LRMDA: variants seen among roughly 807,000 people sequenced by gnomAD.
LRMDA encodes the protein leucine rich melanocyte differentiation associated.
A neutral mutation model predicts 29.8 loss-of-function variants in LRMDA; 18 were observed. The observed-to-expected ratio is 0.60, with a 90% CI of 0.42 to 0.90. The LOEUF (loss-of-function observed/expected upper bound fraction) is 0.90, where lower values mean the gene tolerates loss of function less well. Among genes scored for constraint, LRMDA ranks in the 40% least tolerant of loss-of-function variants. LRMDA has a pLI of 0.00. For synonymous variants in LRMDA, 125 were observed against 109.4 expected (o/e 1.14, Z -0.89); for missense variants, 273 against 273.9 (o/e 1.00, Z 0.02).
chr10:76,386,478 T>C (rs143463821), intron 6 of LRMDA, among the ~76,000 whole-genome samples: 62 of 152,328 alleles, frequency 4.1e-4, no homozygotes, highest in African/African-American at 1.3e-3. Flanking sequence ...GCCTTTGCAT[T>C]GGCTGGTTTG....
At chr10:76,323,393 G>A (rs774179789) in intron 5 of LRMDA, among the ~76,000 whole-genome samples, 23 of 152,080 alleles carry the variant, frequency 1.5e-4, no homozygotes, top group Non-Finnish European at 2.5e-4. Flanking sequence ...TGTATTTCCC[G>A]CTCCGGAAAG....
intron 6 of LRMDA, among the ~76,000 whole-genome samples, chr10:76,549,265 C>T (rs2132393907): frequency 6.6e-6 from 1 of 152,238 alleles, no homozygotes; most frequent in Non-Finnish European, 1.5e-5. Context: ...CACAGCCTTG[C>T]CTGCTGATCA....
At chr10:75,783,644 G>T (rs558017881) in intron 2 of LRMDA, among the ~76,000 whole-genome samples, 1 of 152,272 alleles carries the variant, frequency 6.6e-6, no homozygotes, top group South Asian at 2.1e-4. Context: ...TGACCATGAT[G>T]TAAGTATTAA....
chr10:76,158,979 G>A (rs1850593723), intron 5 of LRMDA, among the ~76,000 whole-genome samples: 1 of 152,080 alleles, frequency 6.6e-6, no homozygotes, highest in Admixed American at 6.6e-5. Context: ...CTAGACAGAG[G>A]TTAAATGGAT....
At chr10:75,979,140 T>C (rs1347937703) in intron 2 of LRMDA, among the ~76,000 whole-genome samples, 6 of 152,256 alleles carry the variant, frequency 3.9e-5, no homozygotes, top group African/African-American at 7.2e-5. Flanking sequence ...GAGTAGCCCG[T>C]GAACATTAGT....
intron 2 of LRMDA, among the ~76,000 whole-genome samples, chr10:75,902,383 A>G (rs1428393615): frequency 2.0e-5 from 3 of 152,068 alleles, no homozygotes; most frequent in African/African-American, 7.2e-5. Flanking sequence ...TTTATCCCAT[A>G]GGGGTGGGAG....
At chr10:76,084,507 G>A (rs73281598) in intron 5 of LRMDA, among the ~76,000 whole-genome samples, 4 of 149,256 alleles carry the variant, frequency 2.7e-5, no homozygotes, top group African/African-American at 9.8e-5. Context: ...GAGCCACTGT[G>A]CCCAGCCATA....
intron 6 of LRMDA, among the ~76,000 whole-genome samples, chr10:76,348,199 C>A (rs1038551365): frequency 1.3e-5 from 2 of 152,144 alleles, no homozygotes; most frequent in African/African-American, 4.8e-5. Flanking sequence ...CCCCTCAAAT[C>A]AGGCTTCTTC....
At chr10:75,521,240 G>A (rs1485711244) in intron 2 of LRMDA, among the ~76,000 whole-genome samples, 1 of 152,230 alleles carries the variant, frequency 6.6e-6, no homozygotes, top group Non-Finnish European at 1.5e-5. Flanking sequence ...GCTCTCTTCA[G>A]AGCTGTCAGA....
intron 6 of LRMDA, among the ~76,000 whole-genome samples, chr10:76,464,558 T>G (rs1272307636): frequency 6.6e-6 from 1 of 152,204 alleles, no homozygotes; most frequent in Non-Finnish European, 1.5e-5. Context: ...TACAAAGGGT[T>G]ATCTTTCCAG....
At chr10:75,478,388 C>T (rs1844820031) in intron 2 of LRMDA, among the ~76,000 whole-genome samples, 1 of 152,190 alleles carries the variant, frequency 6.6e-6, no homozygotes, top group Non-Finnish European at 1.5e-5. Context: ...ATATTTTTGC[C>T]TGTCAACAGC....
intron 2 of LRMDA, among the ~76,000 whole-genome samples, chr10:75,837,022 G>A (rs1347491990): frequency 2.6e-5 from 4 of 151,524 alleles, no homozygotes; most frequent in Non-Finnish European, 4.4e-5. Flanking sequence ...AGACTCACTG[G>A]GTACATAAAA....
intron 6 of LRMDA, among the ~76,000 whole-genome samples, chr10:76,437,954 C>T (rs1181294660): frequency 1.3e-5 from 2 of 152,140 alleles, no homozygotes; most frequent in Non-Finnish European, 2.9e-5. Flanking sequence ...AACTGAAGAG[C>T]AGGGAAGCTA....
At chr10:75,724,449 ACT>A (rs1842606722) in intron 2 of LRMDA, among the ~76,000 whole-genome samples, 2 of 152,094 alleles carry the variant, frequency 1.3e-5, no homozygotes, top group South Asian at 2.1e-4. Context: ...ATTGCCATTT[ACT>A]CTCTTAGTTT....
At chr10:76,274,606 T>G (rs1840108304) in intron 5 of LRMDA, among the ~76,000 whole-genome samples, 1 of 152,206 alleles carries the variant, frequency 6.6e-6, no homozygotes, top group Admixed American at 6.6e-5. Flanking sequence ...ATAGTACCAC[T>G]GAGGTAAAGG....
At chr10:75,951,134 T>A (rs1192117159) in intron 2 of LRMDA, among the ~76,000 whole-genome samples, 1 of 152,206 alleles carries the variant, frequency 6.6e-6, no homozygotes, top group Non-Finnish European at 1.5e-5. Context: ...CTGGTTCAGC[T>A]ATGATGAGAG....
chr10:75,831,543 A>G (rs2132291715), intron 2 of LRMDA, among the ~76,000 whole-genome samples: 1 of 152,266 alleles, frequency 6.6e-6, no homozygotes, highest in East Asian at 1.9e-4. Context: ...TGCATGGTAC[A>G]AACTGTTGGT....
At chr10:76,223,809 T>G (rs1851895934) in intron 5 of LRMDA, among the ~76,000 whole-genome samples, 1 of 152,244 alleles carries the variant, frequency 6.6e-6, no homozygotes, top group Non-Finnish European at 1.5e-5. Context: ...CTCATTTGAC[T>G]GTGACAGCAT....
intron 5 of LRMDA, among the ~76,000 whole-genome samples, chr10:76,249,588 G>T (rs1301237865): frequency 2.0e-5 from 3 of 152,134 alleles, no homozygotes; most frequent in Admixed American, 2.0e-4. Context: ...ATTCAAAGAG[G>T]CAGACATTGG....
Sources: gnomAD v4.1 joint callset for allele counts (sites outside exome capture counted in the v4.1 genomes callset) on GRCh38, gnomAD v4.1.1 for gene constraint, MANE v1.5 for transcripts, NCBI Gene and HGNC (gene_info 2026-07-23, HGNC 2026-07-21) for gene names.